FSIP1: variants seen among roughly 807,000 people sequenced by gnomAD.
FSIP1 encodes fibrous sheath interacting protein 1, also known as fibrous sheath-interacting protein 1.
In FSIP1, 65 loss-of-function variants were observed where a neutral mutation model predicts 60.9. The observed-to-expected ratio is 1.07, with a 90% confidence interval of 0.87 to 1.31. FSIP1 has a LOEUF of 1.31. Among genes scored for constraint, FSIP1 ranks in the 40% most tolerant of loss-of-function variants. FSIP1 has a pLI of 0.00. For synonymous variants in FSIP1, 209 were observed against 221.2 expected (o/e 0.94, Z 0.49); for missense variants, 675 against 665.5 (o/e 1.01, Z -0.16).
intron 11 of FSIP1, among the ~76,000 whole-genome samples, chr15:39,615,430 A>AAAAAAAAAAAAAAC (rs1555386844): frequency 6.8e-6 from 1 of 147,780 alleles, no homozygotes. Flanking sequence ...AAAAAAAAAA[A>AAAAAAAAAAAAAAC]ATTAAAAAAT....
intron 10 of FSIP1, among the ~76,000 whole-genome samples, chr15:39,697,384 A>G (rs1010060095): frequency 4.6e-5 from 7 of 152,214 alleles, no homozygotes; most frequent in Non-Finnish European, 8.8e-5. Context: ...TGTATTAGAT[A>G]CTGGTTGGCC....
intron 9 of FSIP1, among the ~76,000 whole-genome samples, chr15:39,720,236 CA>C (rs948709775): frequency 2.3e-4 from 34 of 150,876 alleles, no homozygotes; most frequent in African/African-American, 3.9e-4. Flanking sequence ...AGGAAGACAT[CA>C]AAAAAAAATT....
At chr15:39,709,571 C>T (rs771105601) in intron 10 of FSIP1, among the ~76,000 whole-genome samples, 14 of 152,022 alleles carry the variant, frequency 9.2e-5, no homozygotes, top group Non-Finnish European at 1.8e-4. Context: ...GGCAAAAGAA[C>T]AGAGGTCATC....
intron 8 of FSIP1, among the ~76,000 whole-genome samples, chr15:39,730,118 A>G (rs1054590637): frequency 2.6e-5 from 4 of 152,006 alleles, no homozygotes; most frequent in African/African-American, 9.7e-5. Context: ...AAAAAAAAAG[A>G]ACAAGTTCCT....
chr15:39,694,006 A>G (rs993807139), intron 10 of FSIP1, among the ~76,000 whole-genome samples: 4 of 152,228 alleles, frequency 2.6e-5, no homozygotes, highest in Non-Finnish European at 5.9e-5. Context: ...TAATCTTTCT[A>G]CAATATATAT....
chr15:39,641,890 T>C (rs895826504), intron 10 of FSIP1, among the ~76,000 whole-genome samples: 5 of 152,220 alleles, frequency 3.3e-5, no homozygotes, highest in Admixed American at 3.3e-4. Context: ...CAGCAGTCTA[T>C]AAGCCTTCAT....
chr15:39,738,054 T>C, intron 8 of FSIP1, 37 bp downstream of exon 8: 1 of 1,123,446 alleles, frequency 8.9e-7, no homozygotes, highest in Non-Finnish European at 1.3e-6. Flanking sequence ...AAAATCTAAA[T>C]TAAGAAGTGT....
intron 3 of FSIP1, among the ~76,000 whole-genome samples, chr15:39,769,111 C>G (rs919451806): frequency 4.6e-5 from 7 of 151,986 alleles, no homozygotes; most frequent in African/African-American, 1.7e-4. Flanking sequence ...AACCCCGTCT[C>G]TACTAAAAAT....
intron 9 of FSIP1, among the ~76,000 whole-genome samples, chr15:39,724,250 C>A (rs1896097955): frequency 1.3e-5 from 2 of 149,172 alleles, no homozygotes; most frequent in South Asian, 4.2e-4. Flanking sequence ...GGACCATATT[C>A]ATACTTTTTT....
chr15:39,622,975 T>C (rs995806386), intron 10 of FSIP1, among the ~76,000 whole-genome samples: 2 of 152,210 alleles, frequency 1.3e-5, no homozygotes, highest in Non-Finnish European at 2.9e-5. Context: ...ACACAGTGTA[T>C]GTTTTATGCA....
At chr15:39,612,968 G>C (rs1284688250) in intron 11 of FSIP1, among the ~76,000 whole-genome samples, 3 of 151,468 alleles carry the variant, frequency 2.0e-5, no homozygotes, top group Non-Finnish European at 4.4e-5. Flanking sequence ...TGATTTAGAA[G>C]AATATTTAAT....
intron 9 of FSIP1, among the ~76,000 whole-genome samples, chr15:39,718,295 T>C (rs535171981): frequency 7.6e-4 from 113 of 148,650 alleles, no homozygotes; most frequent in African/African-American, 2.6e-3. Flanking sequence ...TATAATTATA[T>C]ACATATATAT....
intron 9 of FSIP1, among the ~76,000 whole-genome samples, chr15:39,715,305 C>T (rs1895697611): frequency 6.6e-6 from 1 of 152,084 alleles, no homozygotes; most frequent in Non-Finnish European, 1.5e-5. Context: ...AGCATATTTC[C>T]ATAATATTCC....
At chr15:39,695,277 C>T (rs1566888845) in intron 10 of FSIP1, among the ~76,000 whole-genome samples, 1 of 151,864 alleles carries the variant, frequency 6.6e-6, no homozygotes, top group Non-Finnish European at 1.5e-5. Flanking sequence ...TCAGCCTCCC[C>T]TCCATGGCTG....
chr15:39,708,913 T>C (rs575322748), intron 10 of FSIP1, among the ~76,000 whole-genome samples: 1 of 152,294 alleles, frequency 6.6e-6, no homozygotes, highest in South Asian at 2.1e-4. Context: ...TCATATTAAA[T>C]GTGTGAGCTT....
chr15:39,739,624 T>C (rs781023155), intron 7 of FSIP1, 41 bp downstream of exon 7: 3 of 1,565,298 alleles, frequency 1.9e-6, no homozygotes, highest in African/African-American at 2.8e-5. Flanking sequence ...TTTCAACTCA[T>C]TTAGCCCCAA....
chr15:39,674,393 G>A lies in FSIP1; in HGVS notation c.1188+39051C>T, dbSNP rs1016473834. 5.9e-5 allele frequency among the ~76,000 whole-genome samples: 9 copies of A among 152,060 alleles called. No homozygotes were observed. The East Asian group carries it at 7.7e-4, about 13-fold the overall frequency. ...TTCTAGTCAAAATCGTACATGGGTC[G>A]TTCATGGAACTTGAGAAGGTGATTT... On this transcript the variant is annotated intron_variant, in intron 10 of 11. Transcript: ENST00000350221.
Position 39,600,800 on chromosome 15 carries a change from T to C in FSIP1, c.*80A>G, listed in dbSNP as rs996119345. 1.5e-5 allele frequency: 17 copies of C among 1,145,662 alleles called. No individual in the cohort carries two copies. Among genetic ancestry groups the C allele is most frequent in the African/African-American group, 9.4e-5 (6 of 63,922 alleles). The allele number at this position is 1,145,662 out of a possible 1,614,324, so 71.0% of individuals were successfully genotyped here. A position where few individuals can be genotyped will look rare whatever the true frequency, so the allele number is the denominator to read the frequency against. On this transcript the variant is annotated 3_prime_UTR_variant, in exon 12 of 12. Transcript: ENST00000350221. ...AAGAATAGTCTCTGCAGTGCATTCA[T>C]TGAATTCAAATAATTCAATAAGAAA...
intron 10 of FSIP1, among the ~76,000 whole-genome samples, chr15:39,708,128 T>C (rs1342125744): frequency 6.6e-6 from 1 of 152,180 alleles, no homozygotes. Context: ...GTAGTTAACC[T>C]GGTGGAAAAA....
Sources: allele counts gnomAD v4.1 joint callset (sites outside exome capture counted in the v4.1 genomes callset), GRCh38; gene constraint gnomAD v4.1.1; transcripts MANE v1.5; gene names NCBI Gene and HGNC (gene_info 2026-07-23, HGNC 2026-07-21).